ZNF385D: variants seen among roughly 807,000 people sequenced by gnomAD.
The protein encoded by ZNF385D is zinc finger protein 659.
ZNF385D carries 15 observed loss-of-function variants against 35.8 expected under a neutral mutation model. The observed-to-expected ratio is 0.42, with a 90% CI of 0.28 to 0.64. ZNF385D has a LOEUF of 0.64. ZNF385D is among the 30% of genes least tolerant of loss of function. ZNF385D has a pLI of 0.23. For synonymous variants in ZNF385D, 212 were observed against 186.8 expected, an observed-to-expected ratio of 1.13 and a Z score of -1.10; for missense variants, 474 against 494.6, an observed-to-expected ratio of 0.96 and a Z score of 0.39.
At chr3:21,851,117 A>G (rs987299633) in intron 3 of ZNF385D, among the ~76,000 whole-genome samples, 14 of 152,062 alleles carry the variant, frequency 9.2e-5, no homozygotes, top group Admixed American at 8.5e-4. Context: ...AAACATAAAA[A>G]CAATGAAAAG....
At chr3:21,853,050 T>C (rs1696484762) in intron 3 of ZNF385D, among the ~76,000 whole-genome samples, 2 of 32,056 alleles carry the variant, frequency 6.2e-5, no homozygotes, top group African/African-American at 2.0e-4. Flanking sequence ...ATTAAAGTTC[T>C]CCATACATTT....
intron 3 of ZNF385D, among the ~76,000 whole-genome samples, chr3:21,889,175 A>G (rs567037916): frequency 6.6e-6 from 1 of 152,326 alleles, no homozygotes; most frequent in Admixed American, 6.5e-5. Context: ...TTGTAGTACT[A>G]GAGAATACCT....
chr3:22,244,866 C>T lies in ZNF385D; in HGVS notation c.107-75831G>A, dbSNP rs1229884830. Among the ~76,000 whole-genome samples the T allele has an allele frequency of 1.3e-5, 2 of 151,046 alleles. 1 individual carries two copies. The highest frequency in any genetic ancestry group is 2.9e-5 in the Non-Finnish European group (2 of 67,930). On this transcript the variant is annotated intron_variant, in intron 2 of 5. Transcript: ENST00000494108. ...CTATACAACTTGGGCTGGCATGTAC[C>T]CAGTCAAATAAACAGAACATCACTG...
intron 3 of ZNF385D, among the ~76,000 whole-genome samples, chr3:21,968,348 C>A (rs890450310): frequency 6.6e-6 from 1 of 152,084 alleles, no homozygotes; most frequent in Non-Finnish European, 1.5e-5. Flanking sequence ...ACAAGGACTC[C>A]AATTCCCAGG....
chr3:21,620,830 G>T (rs113302708), intron 2 of ZNF385D, among the ~76,000 whole-genome samples: 2,751 of 152,208 alleles, frequency 0.018, 38 homozygotes, highest in Non-Finnish European at 0.028. Flanking sequence ...TTGACAAGGC[G>T]CACGGAGCCC....
chr3:21,857,397 G>C (rs1427877117), intron 3 of ZNF385D, among the ~76,000 whole-genome samples: 1 of 152,000 alleles, frequency 6.6e-6, no homozygotes, highest in Non-Finnish European at 1.5e-5. Context: ...TAGGTGCCAG[G>C]GGAAACATAA....
intron 1 of ZNF385D, among the ~76,000 whole-genome samples, chr3:21,744,440 A>G (rs1244967453): frequency 1.3e-5 from 2 of 152,200 alleles, no homozygotes; most frequent in Non-Finnish European, 2.9e-5. Flanking sequence ...ATTGTAGGCA[A>G]AATTGTATTC....
intron 1 of ZNF385D, among the ~76,000 whole-genome samples, chr3:21,680,751 A>G (rs556314979): frequency 1.6e-3 from 245 of 152,296 alleles, no homozygotes; most frequent in African/African-American, 5.7e-3. Context: ...AATCTTGATA[A>G]CAACTGTTTA....
chr3:21,888,275 G>A (rs1286711813), intron 3 of ZNF385D, among the ~76,000 whole-genome samples: 1 of 152,046 alleles, frequency 6.6e-6, no homozygotes, highest in Non-Finnish European at 1.5e-5. Context: ...ATTTGCAAAT[G>A]ATTAGAAAAA....
chr3:21,619,216 T>TG (rs1287995895), intron 2 of ZNF385D, among the ~76,000 whole-genome samples: 1 of 152,142 alleles, frequency 6.6e-6, no homozygotes, highest in Non-Finnish European at 1.5e-5. Flanking sequence ...AGTCCTATTT[T>TG]GGGGGAAGCA....
intron 2 of ZNF385D, among the ~76,000 whole-genome samples, chr3:22,304,580 A>ATAAT (rs1703101172): frequency 1.3e-5 from 2 of 152,290 alleles, no homozygotes; most frequent in African/African-American, 4.8e-5. Context: ...GGTTAGTGAT[A>ATAAT]TAATCATGCT....
intron 3 of ZNF385D, among the ~76,000 whole-genome samples, chr3:21,791,819 C>T (rs1267619352): frequency 6.6e-6 from 1 of 152,136 alleles, no homozygotes; most frequent in East Asian, 1.9e-4. Flanking sequence ...ACTGCAACCT[C>T]CGACTCCCTG....
At position 22,299,368 on chromosome 3, in the gene ZNF385D, T is replaced by C. The variant is rs1702772913; in HGVS notation, c.106+73082A>G. On this transcript the variant is annotated intron_variant, in intron 2 of 5. Coordinates refer to the ZNF385D transcript ENST00000494108. ...AACTTTACTCTAGGCCCTGAGGAAC[T>C]TGCATGCTGAATATTTTTCCTACCA... 2.0e-5 allele frequency among the ~76,000 whole-genome samples: 3 copies of C among 151,870 alleles called. 1 individual carries two copies. The South Asian group carries it at 6.2e-4, about 31-fold the overall frequency.
chr3:21,881,547 A>G (rs1698276124), intron 3 of ZNF385D, among the ~76,000 whole-genome samples: 1 of 152,054 alleles, frequency 6.6e-6, no homozygotes, highest in African/African-American at 2.4e-5. Context: ...GCCACCCAAG[A>G]GCTTTAATGG....
intron 3 of ZNF385D, among the ~76,000 whole-genome samples, chr3:21,997,893 GTGTGT>G (rs1695581558): frequency 6.7e-6 from 1 of 149,954 alleles, no homozygotes; most frequent in Non-Finnish European, 1.5e-5. Context: ...GTGTGTGTGT[GTGTGT>G]GTGTGTGTGA....
intron 3 of ZNF385D, among the ~76,000 whole-genome samples, chr3:21,768,823 A>C (rs2070948771): frequency 6.6e-6 from 1 of 151,908 alleles, no homozygotes; most frequent in African/African-American, 2.4e-5. Context: ...TCCCCAGTTG[A>C]AATAACAAAT....
At chr3:22,187,083 AAC>A (rs1695685087) in intron 2 of ZNF385D, among the ~76,000 whole-genome samples, 2 of 152,140 alleles carry the variant, frequency 1.3e-5, no homozygotes, top group African/African-American at 4.8e-5. Context: ...GATTATAACA[AAC>A]GAGGAGATCA....
chr3:21,815,549 C>T (rs928192156), intron 3 of ZNF385D, among the ~76,000 whole-genome samples: 1 of 152,194 alleles, frequency 6.6e-6, no homozygotes, highest in Non-Finnish European at 1.5e-5. Context: ...ATACTATAAA[C>T]ACCTCTCCAC....
chr3:21,969,857 G>A (rs965501525), intron 3 of ZNF385D, among the ~76,000 whole-genome samples: 6 of 152,122 alleles, frequency 3.9e-5, no homozygotes, highest in Non-Finnish European at 5.9e-5. Context: ...AGCTCAGAAA[G>A]GGATAGAAAC....
Sources: allele counts gnomAD v4.1 joint callset (sites outside exome capture counted in the v4.1 genomes callset), GRCh38; gene constraint gnomAD v4.1.1; transcripts MANE v1.5; gene names NCBI Gene and HGNC (gene_info 2026-07-23, HGNC 2026-07-21).